ZNF506: variants seen among roughly 807,000 people sequenced by gnomAD.
ZNF506 encodes zinc finger protein 506.
ZNF506 carries 10 observed loss-of-function variants against 11.6 expected under a neutral mutation model. That is an observed-to-expected ratio of 0.86 (90% CI 0.53 to 1.46). The LOEUF is 1.46. Among genes scored for constraint, ZNF506 ranks in the 40% most tolerant of loss-of-function variants. The probability of loss-of-function intolerance (pLI) is 0.00; values close to 1 mark genes in which losing one functional copy is unlikely to be tolerated. For synonymous variants in ZNF506, 156 were observed against 173.3 expected (o/e 0.90, Z 0.78); for missense variants, 425 against 521.2 (o/e 0.82, Z 1.80).
chr19:19,817,476 A>G (rs1276319037), intron 1 of ZNF506, among the ~76,000 whole-genome samples: 2 of 151,562 alleles, frequency 1.3e-5, no homozygotes, highest in Admixed American at 1.3e-4. Context: ...CCTCAAAACA[A>G]TAACAACTTC....
chr19:19,793,929 G>A lies in ZNF506; in HGVS notation c.*623C>T, dbSNP rs764795944. 2.6e-5 allele frequency: 4 copies of A among 152,346 alleles called. No individual in the cohort carries two copies. Among genetic ancestry groups the A allele is most frequent in the Non-Finnish European group, 5.9e-5 (4 of 68,158 alleles). 9.4% of individuals were successfully genotyped at this position (152,346 alleles called of 1,614,324 possible). On this transcript the variant is annotated 3_prime_UTR_variant, in exon 4 of 4. Transcript: ENST00000540806. The stretch of plus-strand genomic sequence containing the variant: ...ATAATTTATTTTTATGTATACAAAA[G>A]TTGGAGGTGGTGGTAAAAGCACTGT...
intron 1 of ZNF506, among the ~76,000 whole-genome samples, chr19:19,812,443 C>T (rs10854013): frequency 0.1 from 15,701 of 152,224 alleles, 1,255 homozygotes; most frequent in East Asian, 0.29. Flanking sequence ...AAATACTCTA[C>T]TCCAGTATCA....
chr19:19,804,040 T>A lies in ZNF506; in HGVS notation c.226+1991A>T, dbSNP rs138136436. 2.5e-4 allele frequency among the ~76,000 whole-genome samples: 38 copies of A among 152,258 alleles called. No homozygotes were observed. In the East Asian group the frequency reaches 7.1e-3, roughly 29 times the overall value. On this transcript the variant is annotated intron_variant, in intron 3 of 3. Coordinates refer to ENST00000540806, the MANE Select transcript of ZNF506 (RefSeq NM_001099269.3). ...CAGGACATAGGCATGGGCAAGGACT[T>A]CATGACTAAAACACCAAAAGCAACA...
chr19:19,798,443 T>TGG (rs959013968), intron 3 of ZNF506: 1 of 151,054 alleles, frequency 6.6e-6, no homozygotes, highest in Non-Finnish European at 1.5e-5. Context: ...GGTCAGGAGA[T>TGG]GGAGACCATC....
chr19:19,812,681 T>G (rs1163075490), intron 1 of ZNF506, among the ~76,000 whole-genome samples: 1 of 152,196 alleles, frequency 6.6e-6, no homozygotes. Flanking sequence ...AGTCTGGCCC[T>G]TTTTTATCTG....
At chr19:19,813,703 G>A (rs1396214077) in intron 1 of ZNF506, among the ~76,000 whole-genome samples, 2 of 152,208 alleles carry the variant, frequency 1.3e-5, no homozygotes, top group Non-Finnish European at 2.9e-5. Flanking sequence ...AGATGCAGTG[G>A]CTCATGCCTG....
intron 3 of ZNF506, chr19:19,798,868 C>G (rs1301641101): frequency 6.6e-6 from 1 of 151,972 alleles, no homozygotes; most frequent in Non-Finnish European, 1.5e-5. Context: ...AATCAAGAGA[C>G]ATACTTCTAA....
chr19:19,803,002 T>C (rs1264677107), intron 3 of ZNF506, among the ~76,000 whole-genome samples: 1 of 152,160 alleles, frequency 6.6e-6, no homozygotes, highest in Non-Finnish European at 1.5e-5. Flanking sequence ...AGACCCCATC[T>C]CCAAAATAAG....
chr19:19,797,071 T>G (rs1016538153), intron 3 of ZNF506: 21 of 152,212 alleles, frequency 1.4e-4, no homozygotes, highest in African/African-American at 5.1e-4. Context: ...TACAAAATAT[T>G]AGGGCAACAT....
intron 1 of ZNF506, among the ~76,000 whole-genome samples, chr19:19,812,045 G>GT (rs1298323805): frequency 6.6e-6 from 1 of 151,862 alleles, no homozygotes; most frequent in East Asian, 1.9e-4. Flanking sequence ...GAAGCTACTA[G>GT]TTTATCTATT....
Position 19,794,533 on chromosome 19 carries a change from G to C in ZNF506, c.*19C>G. 6.4e-7 allele frequency: 1 copy of C among 1,564,284 alleles called. No homozygotes were observed. The highest frequency in any genetic ancestry group is 8.6e-7 in the Non-Finnish European group (1 of 1,159,368). ...TTTCCCACATTCATCACATTCATAC[G>C]GTTTCTCTCCAGTATGAATTATCTT... On this transcript the variant is annotated 3_prime_UTR_variant, in exon 4 of 4. Coordinates refer to ENST00000540806, the MANE Select transcript of ZNF506 (RefSeq NM_001099269.3).
chr19:19,821,648 T>C lies in ZNF506; in HGVS notation c.-45A>G, dbSNP rs1196528451. The C allele has an allele frequency of 6.2e-7, 1 of 1,613,172 alleles. No homozygotes were observed. The highest frequency in any genetic ancestry group is 8.5e-7 in the Non-Finnish European group (1 of 1,179,420). ...CCCGGCGTCCTAGCTGTGACCCTCCTAATACCTGCAGGTCACAGGGCCACA... is the reference window on the plus strand; with the variant it reads ...CCCGGCGTCCTAGCTGTGACCCTCCCAATACCTGCAGGTCACAGGGCCACA... On this transcript the variant is annotated 5_prime_UTR_variant, in exon 1 of 4. Transcript: ENST00000540806.
At chr19:19,809,550 T>C (rs1462021918) in intron 1 of ZNF506, among the ~76,000 whole-genome samples, 2 of 152,216 alleles carry the variant, frequency 1.3e-5, no homozygotes, top group African/African-American at 2.4e-5. Context: ...GAATATGCTT[T>C]AAAGGTGTCA....
intron 1 of ZNF506, chr19:19,820,494 G>A (rs758923759): frequency 6.6e-6 from 1 of 152,270 alleles, no homozygotes; most frequent in African/African-American, 2.4e-5. Flanking sequence ...AGGAGATCGA[G>A]ACCATCCTGG....
rs2062710695 is a variant in ZNF506 at position 19,793,412 on chromosome 19, T to C, written c.*1140A>G. ...TATAGATTTTGAAAAAAAAAGTCTT[T>C]CCAAATTCATTATATTTGCAGGACT... On this transcript the variant is annotated 3_prime_UTR_variant, in exon 4 of 4. Transcript: ENST00000540806. Among the ~76,000 whole-genome samples, 1 of 152,172 alleles carries C rather than the reference T, an allele frequency of 6.6e-6. No individual in the cohort carries two copies. The highest frequency in any genetic ancestry group is 1.9e-4 in the East Asian group (1 of 5,198).
At position 19,793,300 on chromosome 19, in the gene ZNF506, G is replaced by A. The variant is rs1007767574; in HGVS notation, c.*1252C>T. Among the ~76,000 whole-genome samples the A allele has an allele frequency of 1.8e-4, 27 of 151,972 alleles. 1 individual carries two copies. The highest frequency in any genetic ancestry group is 4.1e-4 in the South Asian group (2 of 4,826). On this transcript the variant is annotated 3_prime_UTR_variant, in exon 4 of 4. Coordinates refer to ENST00000540806, the MANE Select transcript of ZNF506 (RefSeq NM_001099269.3). ...TTCTAGTGTAAATTCTCATATTTAC[G>A]TAAAATCAATTTTGAATTAAATATT...
At position 19,806,037 on chromosome 19, in the gene ZNF506, G is replaced by A. The variant is rs754396870; in HGVS notation, c.220C>T (p.Pro74Ser). 1 of 1,607,104 alleles carries A rather than the reference G, an allele frequency of 6.2e-7. No individual in the cohort carries two copies. The highest frequency in any genetic ancestry group is 8.5e-7 in the Non-Finnish European group (1 of 1,177,752). ...CATTTTCACTCGCACCTACCTGGGGGTTTGGCAATCATCTCATGCCTCTTC... is the reference window on the plus strand; with the variant it reads ...CATTTTCACTCGCACCTACCTGGGGATTTGGCAATCATCTCATGCCTCTTC... ...TMKRHEMIAK[P>S]PVMYSHFAQD... The change falls in exon 3 of 4, where the codon CCC becomes TCC. Residue 74 changes from proline (P) to serine (S), a missense_variant. Transcript: ENST00000540806.
chr19:19,792,863 T>C lies in ZNF506; in HGVS notation c.*1689A>G, dbSNP rs750126312. Among the ~76,000 whole-genome samples the C allele has an allele frequency of 1.3e-5, 2 of 151,554 alleles. No individual in the cohort carries two copies. The highest frequency in any genetic ancestry group is 2.9e-5 in the Non-Finnish European group (2 of 68,018). On this transcript the variant is annotated 3_prime_UTR_variant, in exon 4 of 4. Coordinates refer to ENST00000540806, the MANE Select transcript of ZNF506 (RefSeq NM_001099269.3). ...AAGTCATAGGCTAGGATTATACAAA[T>C]GAGAACCCCCACCTTATACATTACT...
At chr19:19,799,517 GA>G (rs1321121461) in intron 3 of ZNF506, 1 of 626,280 alleles carries the variant, frequency 1.6e-6, no homozygotes, top group African/African-American at 1.9e-5. Context: ...TACTTTCTAT[GA>G]CAAAAATGGA....
Sources: gnomAD v4.1 joint callset for allele counts (sites outside exome capture counted in the v4.1 genomes callset) on GRCh38, gnomAD v4.1.1 for gene constraint, MANE v1.5 for transcripts, NCBI Gene and HGNC (gene_info 2026-07-23, HGNC 2026-07-21) for gene names.